CERKL: variants seen among roughly 807,000 people sequenced by gnomAD.
The protein encoded by CERKL is CERK like autophagy regulator, also known as ceramide kinase-like protein.
A neutral mutation model predicts 63.4 loss-of-function variants in CERKL; 61 were observed. The observed-to-expected ratio is 0.96, with a 90% CI of 0.78 to 1.19. The LOEUF is 1.19. Ranked by LOEUF, CERKL falls within the 50% of genes most tolerant of loss-of-function variation. The pLI, the probability that CERKL is intolerant of heterozygous loss-of-function variation, is 0.00. For missense variants in CERKL, 675 were observed against 655.5 expected, an observed-to-expected ratio of 1.03 and a Z score of -0.33; for synonymous variants, 250 against 230.5, an observed-to-expected ratio of 1.08 and a Z score of -0.77.
At chr2:181,616,103 G>A (rs1281969712) in intron 1 of CERKL, among the ~76,000 whole-genome samples, 1 of 151,352 alleles carries the variant, frequency 6.6e-6, no homozygotes, top group Non-Finnish European at 1.5e-5. Flanking sequence ...TTTCTATCAT[G>A]TGTAAATGGC....
intron 5 of CERKL, among the ~76,000 whole-genome samples, chr2:181,554,159 G>A (rs1224189376): frequency 8.5e-6 from 1 of 117,746 alleles, no homozygotes; most frequent in Non-Finnish European, 1.8e-5. Flanking sequence ...GAGAAACTAT[G>A]GAGGCAAAAA....
At chr2:181,548,121 G>A (rs1405015295) in intron 8 of CERKL, 10 of 574,422 alleles carry the variant, frequency 1.7e-5, no homozygotes, top group Admixed American at 3.2e-5. Context: ...TTTAATATTT[G>A]TATTACACAC....
chr2:181,636,046 C>G (rs892634476), intron 1 of CERKL, among the ~76,000 whole-genome samples: 1 of 152,166 alleles, frequency 6.6e-6, no homozygotes, highest in Non-Finnish European at 1.5e-5. Context: ...AAATACAGAT[C>G]TTAGGCTTAA....
At chr2:181,605,193 G>A (rs1011478126) in intron 1 of CERKL, among the ~76,000 whole-genome samples, 3 of 152,174 alleles carry the variant, frequency 2.0e-5, no homozygotes, top group African/African-American at 7.2e-5. Flanking sequence ...AGAATCTCCA[G>A]GTCACAGGGC....
At chr2:181,628,640 T>G (rs1019552970) in intron 1 of CERKL, among the ~76,000 whole-genome samples, 1 of 152,210 alleles carries the variant, frequency 6.6e-6, no homozygotes, top group Non-Finnish European at 1.5e-5. Context: ...TTGAGATCTT[T>G]TCTGCTCTTC....
intron 1 of CERKL, among the ~76,000 whole-genome samples, chr2:181,641,344 TAC>T (rs201154752): frequency 0.14 from 683 of 4,844 alleles, 1 homozygote; most frequent in Middle Eastern, 0.25. Context: ...TATATATATA[TAC>T]ATATATATAC....
intron 2 of CERKL, among the ~76,000 whole-genome samples, chr2:181,596,749 A>G (rs1004300279): frequency 4.6e-5 from 7 of 152,178 alleles, no homozygotes; most frequent in African/African-American, 1.7e-4. Context: ...AACTGTGCTG[A>G]TGAGATCTTG....
intron 1 of CERKL, among the ~76,000 whole-genome samples, chr2:181,611,722 T>A (rs1685976886): frequency 6.6e-6 from 1 of 152,148 alleles, no homozygotes; most frequent in South Asian, 2.1e-4. Flanking sequence ...AGAAAGATGT[T>A]CAAAATAGTA....
intron 1 of CERKL, among the ~76,000 whole-genome samples, chr2:181,608,436 G>C (rs182461195): frequency 4.7e-5 from 6 of 126,584 alleles, no homozygotes; most frequent in East Asian, 5.8e-4. Flanking sequence ...GGAGCGGGGT[G>C]GGGGGAGGGG....
chr2:181,549,254 G>A (rs910971543), intron 6 of CERKL, among the ~76,000 whole-genome samples: 26 of 151,976 alleles, frequency 1.7e-4, no homozygotes, highest in African/African-American at 5.8e-4. Context: ...ATTTTTTTCT[G>A]GTTATGTTTT....
intron 1 of CERKL, among the ~76,000 whole-genome samples, chr2:181,643,580 T>C (rs955242862): frequency 3.3e-5 from 5 of 152,242 alleles, no homozygotes; most frequent in African/African-American, 9.6e-5. Flanking sequence ...ATGGTAAGAA[T>C]TGTTTTGTGA....
At chr2:181,630,473 G>C (rs1459895259) in intron 1 of CERKL, among the ~76,000 whole-genome samples, 1 of 152,196 alleles carries the variant, frequency 6.6e-6, no homozygotes, top group East Asian at 1.9e-4. Context: ...TGTATTTAGA[G>C]ACAGGGCCTT....
At chr2:181,571,514 TTTTTAA>T (rs1688901549) in intron 3 of CERKL, among the ~76,000 whole-genome samples, 4 of 152,244 alleles carry the variant, frequency 2.6e-5, no homozygotes, top group East Asian at 1.9e-4. Context: ...TCTCTCTTCC[TTTTTAA>T]TTTTAATTCT....
intron 1 of CERKL, among the ~76,000 whole-genome samples, chr2:181,629,647 C>G (rs1342738001): frequency 1.3e-5 from 2 of 148,206 alleles, no homozygotes; most frequent in African/African-American, 4.9e-5. Flanking sequence ...AAAAAAAAAA[C>G]TCAGTTATGA....
At chr2:181,619,219 T>C (rs1341815126) in intron 1 of CERKL, among the ~76,000 whole-genome samples, 1 of 152,050 alleles carries the variant, frequency 6.6e-6, no homozygotes, top group African/African-American at 2.4e-5. Context: ...TCCATCTCAG[T>C]CCCTCAGGAA....
chr2:181,578,257 T>TG (rs904838702), intron 2 of CERKL, among the ~76,000 whole-genome samples: 7 of 63,586 alleles, frequency 1.1e-4, no homozygotes, highest in South Asian at 6.9e-4. Flanking sequence ...TATATGTGTG[T>TG]GGGGGGGTAT....
rs778080089 is a variant in CERKL, at chr2:181,656,863, G to A, written c.144C>T (p.Leu48=). The A allele has an allele frequency of 2.5e-6, 4 of 1,605,126 alleles. No homozygotes were observed. The South Asian group carries it at 4.4e-5, about 18-fold the overall frequency. ...CCCTCCCGATCTCGAAGATGCCCCG[G>A]AGCAGAATCCGCTCGGCCGCCGCCT... ...QTEAAAERIL[L]RGIFEIGRDS... The change falls in exon 1 of 13, where the codon CTC becomes CTT. Residue 48 remains leucine (L), a synonymous_variant. Coordinates refer to ENST00000410087, the MANE Select transcript of CERKL (RefSeq NM_201548.5).
At chr2:181,642,055 T>C (rs1382521414) in intron 1 of CERKL, among the ~76,000 whole-genome samples, 3 of 152,256 alleles carry the variant, frequency 2.0e-5, no homozygotes, top group African/African-American at 7.2e-5. Flanking sequence ...GCAGTTACTA[T>C]GGAAATTTGA....
At chr2:181,602,179 A>C (rs16867455) in intron 2 of CERKL, among the ~76,000 whole-genome samples, 20,854 of 152,100 alleles carry the variant, frequency 0.14, 1,632 homozygotes, top group East Asian at 0.26. Context: ...TCTTGGTTTT[A>C]TGGCTGAGAT....
Sources: allele counts gnomAD v4.1 joint callset (sites outside exome capture counted in the v4.1 genomes callset), GRCh38; gene constraint gnomAD v4.1.1; transcripts MANE v1.5; gene names NCBI Gene and HGNC (gene_info 2026-07-23, HGNC 2026-07-21).